The following TMEM266 variants were observed in gnomAD, a reference collection of about 807,000 sequenced individuals.
The protein encoded by TMEM266 is Hv1 related protein 1.
Under a neutral mutation model 50.5 loss-of-function variants are expected in TMEM266, and 33 were observed. The ratio of observed to expected loss-of-function variants is 0.65; its 90% CI spans 0.50 to 0.87. TMEM266 has a LOEUF of 0.87. Among genes scored for constraint, TMEM266 ranks in the 40% least tolerant of loss-of-function variants. The pLI, the probability that TMEM266 is intolerant of heterozygous loss-of-function variation, is 0.00. For synonymous variants in TMEM266, 310 were observed against 292.3 expected (o/e 1.06, Z -0.62); for missense variants, 655 against 695.1 (o/e 0.94, Z 0.65).
At chr15:76,156,831 G>A in intron 4 of TMEM266, 73 bp downstream of exon 4, 1 of 1,518,580 alleles carries the variant, frequency 6.6e-7, no homozygotes, top group Non-Finnish European at 9.0e-7. Context: ...ATTCATCAGG[G>A]GTCCCCAACC....
chr15:76,096,454 AT>A (rs2036921406), intron 1 of TMEM266, among the ~76,000 whole-genome samples: 1 of 151,990 alleles, frequency 6.6e-6, no homozygotes, highest in South Asian at 2.1e-4. Context: ...TTCTAATTTG[AT>A]TGCACTGTGG....
intron 1 of TMEM266, among the ~76,000 whole-genome samples, chr15:76,130,246 AAAAAAAAAC>A (rs1436947507): frequency 4.2e-5 from 4 of 95,092 alleles, no homozygotes; most frequent in African/African-American, 1.9e-4. Flanking sequence ...AAAAAAAAAA[AAAAAAAAAC>A]CGCCGGGTGC....
At position 76,192,077 on chromosome 15, in the gene TMEM266, G is replaced by C; in HGVS notation, c.878G>C (p.Arg293Pro). 6.8e-7 allele frequency: 1 copy of C among 1,471,604 alleles called. No individual in the cohort carries two copies. Among genetic ancestry groups the C allele is most frequent in the Non-Finnish European group, 9.0e-7 (1 of 1,116,188 alleles). 91.2% of individuals were successfully genotyped at this position (1,471,604 alleles called of 1,614,324 possible). A position where few individuals can be genotyped will look rare whatever the true frequency, so the allele number is the denominator to read the frequency against. The change falls in exon 9 of 11, where the codon CGC becomes CCC. Residue 293 changes from arginine to proline, a missense_variant. Around this residue, in one of 3 missense-constraint regions of TMEM266, gnomAD observed 455 missense variants for 401.8 expected, o/e 1.13. Coordinates refer to ENST00000388942, the MANE Select transcript of TMEM266 (RefSeq NM_152335.3). ...CACGTGCTCAGCCAGCCGCGCAGCC[G>C]CTTCAAAGTGTTGGAGGCCGGCACG...
intron 1 of TMEM266, among the ~76,000 whole-genome samples, chr15:76,101,913 A>T (rs1160077192): frequency 6.6e-6 from 1 of 152,198 alleles, no homozygotes; most frequent in Non-Finnish European, 1.5e-5. Context: ...GGCACTTGGG[A>T]GCCACTCCAG....
At chr15:76,137,603 C>T (rs749789131) in intron 2 of TMEM266, 104 bp from the exon 3 acceptor site, 1 of 1,184,554 alleles carries the variant, frequency 8.4e-7, no homozygotes, top group African/African-American at 1.5e-5. Context: ...CTTCCTCAGC[C>T]CTCCACTGGC....
chr15:76,165,439 G>T (rs2038080092), intron 5 of TMEM266, among the ~76,000 whole-genome samples: 1 of 152,252 alleles, frequency 6.6e-6, no homozygotes, highest in South Asian at 2.1e-4. Flanking sequence ...CAAGGCTGTA[G>T]CCTACACTGC....
chr15:76,178,013 G>C (rs1388072366), intron 8 of TMEM266, among the ~76,000 whole-genome samples: 1 of 152,254 alleles, frequency 6.6e-6, no homozygotes, highest in East Asian at 1.9e-4. Context: ...GGAACAGTGT[G>C]GGGTGTGCGA....
At chr15:76,085,262 C>CT (rs773522680) in intron 1 of TMEM266, among the ~76,000 whole-genome samples, 329 of 138,712 alleles carry the variant, frequency 2.4e-3, no homozygotes, top group Middle Eastern at 4.0e-3. Flanking sequence ...CCCAGCCTTT[C>CT]TTTTTTTTTT....
chr15:76,101,747 C>T (rs2037003470), intron 1 of TMEM266, among the ~76,000 whole-genome samples: 1 of 152,262 alleles, frequency 6.6e-6, no homozygotes, highest in Non-Finnish European at 1.5e-5. Flanking sequence ...CCTCCTTTAT[C>T]ACCCTCAGAC....
chr15:76,202,376 A>G (rs1319823541), intron 10 of TMEM266, 112 bp downstream of exon 10: 12 of 934,716 alleles, frequency 1.3e-5, no homozygotes, highest in African/African-American at 1.7e-5. Context: ...CCTGTGAACC[A>G]TAACTGCAGG....
intron 1 of TMEM266, among the ~76,000 whole-genome samples, chr15:76,064,865 G>A (rs761520379): frequency 6.6e-6 from 1 of 152,096 alleles, no homozygotes; most frequent in Non-Finnish European, 1.5e-5. Context: ...TCTTTCCCTT[G>A]GCTCAAAACA....
At chr15:76,175,478 T>C (rs1219489399) in intron 7 of TMEM266, 81 bp from the exon 8 acceptor site, 1 of 1,079,398 alleles carries the variant, frequency 9.3e-7, no homozygotes, top group African/African-American at 1.5e-5. Flanking sequence ...AACCTGCTGC[T>C]GCCTGAATGC....
intron 1 of TMEM266, among the ~76,000 whole-genome samples, chr15:76,119,976 CCTT>C (rs1393563747): frequency 2.6e-5 from 4 of 152,162 alleles, no homozygotes; most frequent in Non-Finnish European, 1.5e-5. Context: ...CCACAGCCAC[CCTT>C]CAGAGCTTGT....
intron 3 of TMEM266, among the ~76,000 whole-genome samples, chr15:76,148,749 A>G (rs1455066283): frequency 4.5e-5 from 4 of 88,186 alleles, no homozygotes; most frequent in Non-Finnish European, 8.3e-5. Context: ...AGCTCTTGCC[A>G]CCATACCCTA....
rs1339634194 is a variant in TMEM266 at position 76,175,628 on chromosome 15, A to G, written c.722A>G (p.Gln241Arg). Residue 241 changes from glutamine to arginine, a missense_variant, in exon 8 of 11, where the codon CAA becomes CGA. Around this residue, in one of 3 missense-constraint regions of TMEM266, gnomAD observed 455 missense variants for 401.8 expected, o/e 1.13. Transcript: ENST00000388942. Reference sequence around the variant, plus strand: ...CAGTACGAGAAGGCCAAGGTCATCCAAGACGAGCAGCTGGAGAGGCTGACG... The same window carrying G: ...CAGTACGAGAAGGCCAAGGTCATCCGAGACGAGCAGCTGGAGAGGCTGACG... The G allele has an allele frequency of 6.2e-7, 1 of 1,614,122 alleles. No homozygotes were observed. The highest frequency in any genetic ancestry group is 1.3e-5 in the African/African-American group (1 of 74,958).
chr15:76,087,778 A>G (rs2036796006), intron 1 of TMEM266, among the ~76,000 whole-genome samples: 1 of 152,142 alleles, frequency 6.6e-6, no homozygotes, highest in Non-Finnish European at 1.5e-5. Context: ...AGAAGGGAAA[A>G]GTGATTAAAC....
chr15:76,083,017 CAG>C (rs761346283), intron 1 of TMEM266, among the ~76,000 whole-genome samples: 134 of 151,920 alleles, frequency 8.8e-4, no homozygotes, highest in Admixed American at 1.6e-3. Flanking sequence ...CATGAACTAA[CAG>C]AGCAAGAACT....
chr15:76,106,135 T>TC (rs1372501134), intron 1 of TMEM266, among the ~76,000 whole-genome samples: 1 of 152,094 alleles, frequency 6.6e-6, no homozygotes, highest in East Asian at 1.9e-4. Context: ...GTTTCTGTGT[T>TC]CCCCTCTGCC....
intron 8 of TMEM266, among the ~76,000 whole-genome samples, chr15:76,186,731 A>G (rs189826519): frequency 1.7e-3 from 253 of 152,240 alleles, no homozygotes; most frequent in Non-Finnish European, 2.8e-3. Flanking sequence ...GCCCCATCCA[A>G]TCTGTTCTCC....
Sources: gnomAD v4.1 joint callset for allele counts (sites outside exome capture counted in the v4.1 genomes callset) on GRCh38, gnomAD v4.1.1 for gene constraint, gnomAD v4.1.1 regional missense constraint, MANE v1.5 for transcripts, NCBI Gene and HGNC (gene_info 2026-07-23, HGNC 2026-07-21) for gene names.